The following STAG1 variants were observed in gnomAD, a reference collection of about 807,000 sequenced individuals.
STAG1 encodes the protein cohesin subunit SA-1.
STAG1 carries 26 observed loss-of-function variants against 170.9 expected under a neutral mutation model. That is an observed-to-expected ratio of 0.15 (90% confidence interval 0.11 to 0.21). STAG1 has a LOEUF of 0.21. Ranked by LOEUF, STAG1 falls within the 10% of genes least tolerant of loss-of-function variation. The pLI is 1.00. For synonymous variants in STAG1, 514 were observed against 497.7 expected (o/e 1.03, Z -0.44); for missense variants, 964 against 1,509.5 (o/e 0.64, Z 5.99).
intron 1 of STAG1, among the ~76,000 whole-genome samples, chr3:136,715,105 G>A (rs1249115943): frequency 2.1e-5 from 3 of 145,686 alleles, no homozygotes; most frequent in Admixed American, 1.4e-4. Flanking sequence ...CACAGTAAGA[G>A]AGTTCGGTGG....
intron 22 of STAG1, among the ~76,000 whole-genome samples, chr3:136,394,751 G>A (rs1312407213): frequency 1.3e-5 from 2 of 151,686 alleles, no homozygotes; most frequent in East Asian, 1.9e-4. Context: ...TTGGGAGTTC[G>A]AGACCAGCCT....
At chr3:136,526,570 T>C (rs1216480489) in intron 6 of STAG1, among the ~76,000 whole-genome samples, 1 of 152,238 alleles carries the variant, frequency 6.6e-6, no homozygotes, top group East Asian at 1.9e-4. Context: ...CTGTGTCTTT[T>C]AATTGGAGCA....
At chr3:136,523,043 C>A (rs1394136488) in intron 6 of STAG1, among the ~76,000 whole-genome samples, 1 of 152,102 alleles carries the variant, frequency 6.6e-6, no homozygotes, top group African/African-American at 2.4e-5. Flanking sequence ...GTGCATAGGT[C>A]TTTATAGCAG....
intron 5 of STAG1, among the ~76,000 whole-genome samples, chr3:136,568,337 T>G (rs999720626): frequency 6.6e-6 from 1 of 152,184 alleles, no homozygotes; most frequent in African/African-American, 2.4e-5. Context: ...CTGCTACTTG[T>G]GTTACTTTAA....
At chr3:136,538,566 G>C (rs1257608916) in intron 6 of STAG1, among the ~76,000 whole-genome samples, 1 of 152,050 alleles carries the variant, frequency 6.6e-6, no homozygotes, top group Non-Finnish European at 1.5e-5. Flanking sequence ...TTACAGGCAT[G>C]TGCCACCACT....
chr3:136,500,663 C>G (rs1366091994), intron 8 of STAG1, among the ~76,000 whole-genome samples: 1 of 152,124 alleles, frequency 6.6e-6, no homozygotes, highest in Non-Finnish European at 1.5e-5. Context: ...AAAGGAACAT[C>G]CCTAATTAAC....
At chr3:136,501,892 C>T (rs1385154015) in intron 8 of STAG1, among the ~76,000 whole-genome samples, 3 of 151,752 alleles carry the variant, frequency 2.0e-5, no homozygotes, top group African/African-American at 7.3e-5. Flanking sequence ...TATTAAAAAC[C>T]CAGTATAGGC....
At chr3:136,503,468 A>C (rs566957702) in intron 7 of STAG1, among the ~76,000 whole-genome samples, 3 of 152,362 alleles carry the variant, frequency 2.0e-5, no homozygotes, top group Admixed American at 6.5e-5. Context: ...ACAAACAGGT[A>C]TGACACAAAC....
intron 3 of STAG1, chr3:136,609,355 A>G (rs1351284019): frequency 6.8e-6 from 1 of 146,728 alleles, no homozygotes; most frequent in African/African-American, 2.6e-5. Context: ...ATATTTGTAT[A>G]TATATTTGTA....
chr3:136,732,205 G>C (rs1263955397), intron 1 of STAG1, among the ~76,000 whole-genome samples: 1 of 122,742 alleles, frequency 8.1e-6, no homozygotes, highest in Non-Finnish European at 1.6e-5. Context: ...TGTTGCCTTT[G>C]TATCTATAAA....
At chr3:136,513,987 G>A (rs1222970037) in intron 7 of STAG1, among the ~76,000 whole-genome samples, 2 of 151,906 alleles carry the variant, frequency 1.3e-5, no homozygotes, top group Non-Finnish European at 2.9e-5. Flanking sequence ...AAACCAAAAA[G>A]CTTCACAAGT....
At chr3:136,701,135 G>A (rs1336649052) in intron 1 of STAG1, among the ~76,000 whole-genome samples, 1 of 151,868 alleles carries the variant, frequency 6.6e-6, no homozygotes, top group Non-Finnish European at 1.5e-5. Context: ...ACCCGCCTCG[G>A]CCTCCCAAAG....
At chr3:136,370,370 A>T (rs972185462) in intron 23 of STAG1, among the ~76,000 whole-genome samples, 1 of 151,856 alleles carries the variant, frequency 6.6e-6, no homozygotes, top group Non-Finnish European at 1.5e-5. Context: ...TTATTATATT[A>T]TTATTATACT....
At chr3:136,439,389 G>GACACAC (rs753912835) in intron 15 of STAG1, among the ~76,000 whole-genome samples, 3,661 of 95,784 alleles carry the variant, frequency 0.038, 97 homozygotes, top group Non-Finnish European at 0.042. Context: ...AACACCCCCC[G>GACACAC]ACACACACAC....
chr3:136,677,907 T>TTA (rs925147422), intron 1 of STAG1, among the ~76,000 whole-genome samples: 1 of 147,466 alleles, frequency 6.8e-6, no homozygotes, highest in Non-Finnish European at 1.5e-5. Flanking sequence ...ATAATATATA[T>TTA]TATATATATT....
chr3:136,591,284 C>A lies in STAG1; in HGVS notation c.297+13025G>T, dbSNP rs1160903136. 9.8e-5 allele frequency among the ~76,000 whole-genome samples: 9 copies of A among 91,466 alleles called. No homozygotes were observed. The East Asian group carries it at 2.1e-3, about 21-fold the overall frequency. The allele number at this position is 91,466 out of a possible 152,430, so 60.0% of individuals were successfully genotyped here. A position where few individuals can be genotyped will look rare whatever the true frequency, so the allele number is the denominator to read the frequency against. ...GGAGGGAGGAGGGGAGGAGGGAAGG[C>A]GGGAAGGTGGGAAGGCAGGAAGGCA... On this transcript the variant is annotated intron_variant, in intron 4 of 33. Coordinates refer to ENST00000383202, the MANE Select transcript of STAG1 (RefSeq NM_005862.3).
At chr3:136,477,767 T>G (rs145258812) in intron 9 of STAG1, among the ~76,000 whole-genome samples, 5 of 152,280 alleles carry the variant, frequency 3.3e-5, no homozygotes, top group Admixed American at 3.3e-4. Flanking sequence ...CAGAATAATG[T>G]TTCTCAAAAG....
intron 1 of STAG1, chr3:136,736,912 TG>T: frequency 1.3e-6 from 2 of 1,588,738 alleles, no homozygotes; most frequent in South Asian, 2.2e-5. Context: ...CTTTTGCTCC[TG>T]ATCTAGTAGC....
intron 7 of STAG1, among the ~76,000 whole-genome samples, chr3:136,517,683 C>CA (rs1491149904): frequency 6.7e-6 from 1 of 149,732 alleles, no homozygotes; most frequent in African/African-American, 2.5e-5. Context: ...AAAAAGTTCC[C>CA]AGTCTCAGAT....
Sources: gnomAD v4.1 joint callset for allele counts (sites outside exome capture counted in the v4.1 genomes callset) on GRCh38, gnomAD v4.1.1 for gene constraint, MANE v1.5 for transcripts, NCBI Gene and HGNC (gene_info 2026-07-23, HGNC 2026-07-21) for gene names.